Variants in THAP2 observed in about 807,000 individuals in gnomAD.
THAP2 encodes the protein THAP domain-containing protein 2.
In THAP2, 16 loss-of-function variants were observed where a neutral mutation model predicts 18.8. The ratio of observed to expected loss-of-function variants is 0.85; its 90% CI spans 0.58 to 1.29. The LOEUF (loss-of-function observed/expected upper bound fraction) is 1.29, where lower values mean the gene tolerates loss of function less well. Among genes scored for constraint, THAP2 ranks in the 50% most tolerant of loss-of-function variants. THAP2 has a pLI of 0.00. For synonymous variants in THAP2, 80 were observed against 89.2 expected, an observed-to-expected ratio of 0.90 and a Z score of 0.58; for missense variants, 251 against 265.3, an observed-to-expected ratio of 0.95 and a Z score of 0.38.
rs1881545362 is a variant in THAP2, at chr12:71,677,921, C to T, written c.*813C>T. On this transcript the variant is annotated 3_prime_UTR_variant, in exon 3 of 3. Coordinates refer to ENST00000308086, the MANE Select transcript of THAP2 (RefSeq NM_031435.4). ...TTGGTGCTTCCATATTTGTTGATAACCAAAACTCCTAAGGTTTTTTGTTTT... is the reference window on the plus strand; with the variant it reads ...TTGGTGCTTCCATATTTGTTGATAATCAAAACTCCTAAGGTTTTTTGTTTT... 6.6e-6 allele frequency: 1 copy of T among 151,672 alleles called. No homozygotes were observed. The highest frequency in any genetic ancestry group is 2.4e-5 in the African/African-American group (1 of 41,038). 9.4% of individuals were successfully genotyped at this position (151,672 alleles called of 1,614,324 possible). A position where few individuals can be genotyped will look rare whatever the true frequency, so the allele number is the denominator to read the frequency against.
At chr12:71,669,463 C>T (rs989883291) in intron 1 of THAP2, among the ~76,000 whole-genome samples, 3 of 152,128 alleles carry the variant, frequency 2.0e-5, no homozygotes, top group African/African-American at 7.2e-5. Flanking sequence ...GTGGAAGAGT[C>T]TTATACAAAT....
At chr12:71,664,634 T>A in intron 1 of THAP2, 54 bp downstream of exon 1, 2 of 1,598,592 alleles carry the variant, frequency 1.3e-6, no homozygotes, top group South Asian at 2.2e-5. Flanking sequence ...ATTGTGGCTA[T>A]CGCTTGTGTG....
chr12:71,679,677 A>T lies in THAP2; in HGVS notation c.*2569A>T, dbSNP rs1881572097. 1 of 152,190 alleles carries T rather than the reference A, an allele frequency of 6.6e-6. No homozygotes were observed. Among genetic ancestry groups the T allele is most frequent in the African/African-American group, 2.4e-5 (1 of 41,454 alleles). 9.4% of individuals were successfully genotyped at this position (152,190 alleles called of 1,614,324 possible). ...GAAAGAAACAAGTAATATTTATAAT[A>T]CAATATGATAAATGCTACAAAAGAA... On this transcript the variant is annotated 3_prime_UTR_variant, in exon 3 of 3. Coordinates refer to ENST00000308086, the MANE Select transcript of THAP2 (RefSeq NM_031435.4).
At chr12:71,670,434 A>G (rs1368586703) in intron 1 of THAP2, among the ~76,000 whole-genome samples, 1 of 152,172 alleles carries the variant, frequency 6.6e-6, no homozygotes, top group Non-Finnish European at 1.5e-5. Flanking sequence ...GATGCATATC[A>G]GTGTACAGTT....
At position 71,678,922 on chromosome 12, in the gene THAP2, A is replaced by C. The variant is rs1306569111; in HGVS notation, c.*1814A>C. On this transcript the variant is annotated 3_prime_UTR_variant, in exon 3 of 3. Coordinates refer to ENST00000308086, the MANE Select transcript of THAP2 (RefSeq NM_031435.4). ...TGTAGTTCCTTGGAATTGTCATTAC[A>C]TATTTATTTTTTTCTAGTATGGTTT... 6.6e-6 allele frequency: 1 copy of C among 152,142 alleles called. No homozygotes were observed. Among genetic ancestry groups the C allele is most frequent in the Non-Finnish European group, 1.5e-5 (1 of 67,998 alleles). 9.4% of individuals were successfully genotyped at this position (152,142 alleles called of 1,614,324 possible).
intron 2 of THAP2, among the ~76,000 whole-genome samples, chr12:71,675,788 T>C (rs1334927338): frequency 6.6e-6 from 1 of 152,128 alleles, no homozygotes; most frequent in African/African-American, 2.4e-5. Flanking sequence ...TAAAGATTTA[T>C]TTTTCCTTTA....
At chr12:71,673,209 G>A (rs975959327) in intron 1 of THAP2, among the ~76,000 whole-genome samples, 1 of 152,026 alleles carries the variant, frequency 6.6e-6, no homozygotes, top group Admixed American at 6.6e-5. Context: ...ACTAGTATGT[G>A]TATATTTCAT....
Position 71,676,818 on chromosome 12 carries a change from G to A in THAP2, c.397G>A (p.Glu133Lys), listed in dbSNP as rs1301163334. Reference protein sequence around the residue: ...EHSYAFRNPMEAKKRIIKLEK... With the variant: ...EHSYAFRNPMKAKKRIIKLEK... ...CAGCTATGCCTTTAGGAATCCTATG[G>A]AGGCAAAAAAGAGGATCATTAAACT... Residue 133 changes from glutamate (E) to lysine (K), a missense_variant, in exon 3 of 3, where the codon GAG becomes AAG. Transcript: ENST00000308086. 5 of 1,613,346 alleles carry A rather than the reference G, an allele frequency of 3.1e-6. No individual in the cohort carries two copies. The highest frequency in any genetic ancestry group is 4.2e-6 in the Non-Finnish European group (5 of 1,179,554).
At chr12:71,672,269 C>T (rs955971075) in intron 1 of THAP2, among the ~76,000 whole-genome samples, 4 of 152,098 alleles carry the variant, frequency 2.6e-5, no homozygotes, top group Admixed American at 6.5e-5. Context: ...ACATCTGCAG[C>T]CTCTTGGTCA....
chr12:71,677,050 A>G lies in THAP2; in HGVS notation c.629A>G (p.Gln210Arg). 6.2e-7 allele frequency: 1 copy of G among 1,612,692 alleles called. No homozygotes were observed. The highest frequency in any genetic ancestry group is 1.1e-5 in the South Asian group (1 of 90,842). The change falls in exon 3 of 3, where the codon CAA becomes CGA. Residue 210 changes from glutamine to arginine, a missense_variant. Gln to Arg is a conservative substitution (Grantham distance 43). Coordinates refer to ENST00000308086, the MANE Select transcript of THAP2 (RefSeq NM_031435.4). Reference sequence around the variant, plus strand: ...GATTTTAAGATCCTTGAACAAGATCAACAAGATAAAACACTGCTAAGTCTA... The same window carrying G: ...GATTTTAAGATCCTTGAACAAGATCGACAAGATAAAACACTGCTAAGTCTA... ...LEDFKILEQD[Q>R]QDKTLLSLNL...
Position 71,664,554 on chromosome 12 carries a change from C to T in THAP2, c.45C>T (p.Asn15=). 2.5e-6 allele frequency: 4 copies of T among 1,614,184 alleles called. No individual in the cohort carries two copies. Among genetic ancestry groups the T allele is most frequent in the Non-Finnish European group, 3.4e-6 (4 of 1,180,046 alleles). The change falls in exon 1 of 3, where the codon AAC becomes AAT. Residue 15 remains asparagine, a synonymous_variant. Coordinates refer to ENST00000308086, the MANE Select transcript of THAP2 (RefSeq NM_031435.4). ...CAAAGCATTY[N]KHINISFHRF... ...CGGCGGGCTGTGCCACTACCTACAA[C>T]AAGCACATTAACATCAGCTTCCACA...
chr12:71,674,458 A>G, intron 2 of THAP2, 60 bp downstream of exon 2: 2 of 1,478,256 alleles, frequency 1.4e-6, no homozygotes, highest in Admixed American at 2.1e-5. Context: ...CTTTTTGTTT[A>G]TGCAGTTATT....
chr12:71,672,629 TTGA>T (rs1040215573), intron 1 of THAP2, among the ~76,000 whole-genome samples: 2 of 151,976 alleles, frequency 1.3e-5, no homozygotes, highest in African/African-American at 4.8e-5. Flanking sequence ...TAGCAACAGC[TTGA>T]TGATTTTTTT....
In THAP2 at chr12:71,678,740, A is replaced by G. The variant is rs1881558126; in HGVS notation, c.*1632A>G. The G allele has an allele frequency of 6.6e-6, 1 of 152,172 alleles. No homozygotes were observed. The highest frequency in any genetic ancestry group is 1.9e-4 in the East Asian group (1 of 5,202). The allele number at this position is 152,172 out of a possible 1,614,324, so 9.4% of individuals were successfully genotyped here. A position where few individuals can be genotyped will look rare whatever the true frequency, so the allele number is the denominator to read the frequency against. ...CTAGTAACAATTCTTTTACAGTATT[A>G]GCACTCTCTTTACTAAGGAATGCCT... is the stretch of plus-strand genomic sequence containing the variant. On this transcript the variant is annotated 3_prime_UTR_variant, in exon 3 of 3. Transcript: ENST00000308086.
In THAP2 at chr12:71,676,829, G is replaced by C; in HGVS notation, c.408G>C (p.Lys136Asn). 6.2e-7 allele frequency: 1 copy of C among 1,613,616 alleles called. No homozygotes were observed. The highest frequency in any genetic ancestry group is 8.5e-7 in the Non-Finnish European group (1 of 1,179,654). ...TTAGGAATCCTATGGAGGCAAAAAA[G>C]AGGATCATTAAACTGGAAAAAGAAA... is the stretch of plus-strand genomic sequence containing the variant. ...YAFRNPMEAK[K>N]RIIKLEKEIA... is the part of the protein sequence containing the mutation. Residue 136 changes from lysine to asparagine, a missense_variant, in exon 3 of 3, where the codon AAG becomes AAC. Lys to Asn is a moderately conservative substitution (Grantham distance 94). Transcript: ENST00000308086.
At position 71,678,440 on chromosome 12, in the gene THAP2, G is replaced by A. The variant is rs1310582374; in HGVS notation, c.*1332G>A. ...AAAGTTCAGAACTATTCTTATCATT[G>A]CCACTTGAACAATTAAAGGGTTTGC... On this transcript the variant is annotated 3_prime_UTR_variant, in exon 3 of 3. Coordinates refer to ENST00000308086, the MANE Select transcript of THAP2 (RefSeq NM_031435.4). 6.6e-6 allele frequency: 1 copy of A among 152,556 alleles called. No individual in the cohort carries two copies. The highest frequency in any genetic ancestry group is 1.9e-4 in the East Asian group (1 of 5,194). The allele number at this position is 152,556 out of a possible 1,614,324, so 9.5% of individuals were successfully genotyped here.
At position 71,679,772 on chromosome 12, in the gene THAP2, T is replaced by G. The variant is rs1240515964; in HGVS notation, c.*2664T>G. On this transcript the variant is annotated 3_prime_UTR_variant, in exon 3 of 3. Transcript: ENST00000308086. ...GTAAGAACTATAAACTGTAGACCTT[T>G]TTATAATCAAATGCTTTTGTCTTGA... The G allele has an allele frequency of 3.3e-5, 5 of 152,184 alleles. No individual in the cohort carries two copies. Among genetic ancestry groups the G allele is most frequent in the Admixed American group, 1.3e-4 (2 of 15,284 alleles). 9.4% of individuals were successfully genotyped at this position (152,184 alleles called of 1,614,324 possible).
Position 71,679,226 on chromosome 12 carries a change from CTTCA to C in THAP2, c.*2125_*2128del, listed in dbSNP as rs1451983630. 2.0e-5 allele frequency: 3 copies of C among 152,036 alleles called. No homozygotes were observed. Among genetic ancestry groups the C allele is most frequent in the Non-Finnish European group, 2.9e-5 (2 of 67,980 alleles). The allele number at this position is 152,036 out of a possible 1,614,324, so 9.4% of individuals were successfully genotyped here. On this transcript the variant is annotated 3_prime_UTR_variant, in exon 3 of 3. Transcript: ENST00000308086. ...CAAATTTTGGACAAGGTTACTTCAT[CTTCA>C]TTCATTATTACCTGACAGTATTAAA...
chr12:71,676,969 C>G lies in THAP2; in HGVS notation c.548C>G (p.Pro183Arg), dbSNP rs750038171. 7 of 1,613,696 alleles carry G rather than the reference C, an allele frequency of 4.3e-6. No homozygotes were observed. The highest frequency in any genetic ancestry group is 5.9e-6 in the Non-Finnish European group (7 of 1,179,682). Reference sequence around the variant, plus strand: ...AATTTAGAAGCAAATAGTGTATTACCTAAAGGTACATCAGAACACATGTTA... The same window carrying G: ...AATTTAGAAGCAAATAGTGTATTACGTAAAGGTACATCAGAACACATGTTA... Reference protein sequence around the residue: ...VKNLEANSVLPKGTSEHMLPT... With the variant: ...VKNLEANSVLRKGTSEHMLPT... Residue 183 changes from proline to arginine, a missense_variant, in exon 3 of 3, where the codon CCT (proline) becomes CGT (arginine). Physicochemically the swap from Pro to Arg is moderately radical, Grantham distance 103 (BLOSUM62 -2). Transcript: ENST00000308086.
Sources: gnomAD v4.1 joint callset for allele counts (sites outside exome capture counted in the v4.1 genomes callset) on GRCh38, gnomAD v4.1.1 for gene constraint, MANE v1.5 for transcripts, NCBI Gene and HGNC (gene_info 2026-07-23, HGNC 2026-07-21) for gene names.